The following ZNF517 variants were observed in gnomAD, a reference collection of about 807,000 sequenced individuals.
The protein encoded by ZNF517 is zinc finger protein 517.
A neutral mutation model predicts 12.1 loss-of-function variants in ZNF517; 12 were observed. That is an observed-to-expected ratio of 0.99 (90% CI 0.63 to 1.61). The LOEUF (loss-of-function observed/expected upper bound fraction) is 1.61, where lower values mean the gene tolerates loss of function less well. Ranked by LOEUF, ZNF517 falls within the 40% of genes most tolerant of loss-of-function variation. The pLI is 0.00. For missense variants in ZNF517, 781 were observed against 693.2 expected, an observed-to-expected ratio of 1.13 and a Z score of -1.42; for synonymous variants, 388 against 310.2, an observed-to-expected ratio of 1.25 and a Z score of -2.63.
At chr8:144,800,973 G>A (rs1376620517) in intron 1 of ZNF517, among the ~76,000 whole-genome samples, 2 of 152,100 alleles carry the variant, frequency 1.3e-5, no homozygotes, top group Non-Finnish European at 2.9e-5. Flanking sequence ...GGGATTACAG[G>A]TGCGTACCAG....
downstream of ZNF517, chr8:144,810,470 A>G: frequency 2.5e-6 from 1 of 406,784 alleles, no homozygotes; most frequent in Non-Finnish European, 4.4e-6. Context: ...CCCTCCAGAG[A>G]ACAAGAATCC....
chr8:144,806,543 GGT>G (rs1827232040), intron 4 of ZNF517, among the ~76,000 whole-genome samples: 1 of 152,138 alleles, frequency 6.6e-6, no homozygotes, highest in African/African-American at 2.4e-5. Flanking sequence ...GGAGTGCAGT[GGT>G]GCGGTCTTGG....
At chr8:144,810,422 G>T (rs1827519436), downstream of ZNF517, 17 of 422,056 alleles carry the variant, frequency 4.0e-5, no homozygotes, top group South Asian at 1.4e-3. Flanking sequence ...GGGAAGCCTG[G>T]CCCTGGTAGG....
chr8:144,811,978 A>G (rs939659382), downstream of ZNF517, among the ~76,000 whole-genome samples: 3 of 120,800 alleles, frequency 2.5e-5, no homozygotes, highest in Admixed American at 2.3e-4. Flanking sequence ...CCAGGTGCAG[A>G]CTGCAGAATG....
chr8:144,799,623 G>C (rs1169073337), intron 1 of ZNF517, among the ~76,000 whole-genome samples: 1 of 152,204 alleles, frequency 6.6e-6, no homozygotes, highest in Non-Finnish European at 1.5e-5. Flanking sequence ...GGGTAGCCTT[G>C]GCGGTCAGGG....
chr8:144,810,353 CCA>C (rs1827516184), downstream of ZNF517: 4 of 512,372 alleles, frequency 7.8e-6, no homozygotes, highest in Admixed American at 9.5e-5. Flanking sequence ...CCTCCAAGGC[CCA>C]CTGCTCCCCG....
At position 144,808,212 on chromosome 8, in the gene ZNF517, G is replaced by C. The variant is rs752756753; in HGVS notation, c.1296G>C (p.Ala432=). The change falls in exon 5 of 5, where the codon GCG becomes GCC. Residue 432 remains alanine (A), a synonymous_variant. Transcript: ENST00000359971. ...TCGCGTGCACCGAGTGCGGCAAGGC[G>C]TTCCGCAGGAGCTACACGCTGAACG... is the stretch of plus-strand genomic sequence containing the variant. ...KPFACTECGK[A]FRRSYTLNEH... The C allele has an allele frequency of 1.9e-6, 3 of 1,607,378 alleles. No individual in the cohort carries two copies. Among genetic ancestry groups the C allele is most frequent in the East Asian group, 4.5e-5 (2 of 44,754 alleles).
At chr8:144,799,822 C>G (rs13277467) in intron 1 of ZNF517, among the ~76,000 whole-genome samples, 44,231 of 151,650 alleles carry the variant, frequency 0.29, 7,223 homozygotes, top group South Asian at 0.46. Flanking sequence ...CGCCTGTAGT[C>G]CCAGCTACTC....
rs62531506 is a variant in ZNF517 at position 144,807,457 on chromosome 8, G to A, written c.541G>A (p.Val181Met). 0.12 allele frequency: 193,163 copies of A among 1,576,996 alleles called. 13,732 individuals are homozygous for A. Among genetic ancestry groups the A allele is most frequent in the Non-Finnish European group, 0.14 (167,645 of 1,161,860 alleles). Residue 181 changes from valine to methionine, a missense_variant, in exon 5 of 5, where the codon GTG becomes ATG. By Grantham distance (21) the Val-to-Met change is conservative (BLOSUM62 1). Coordinates refer to ENST00000359971, the MANE Select transcript of ZNF517 (RefSeq NM_213605.3). ...GAGCTCAGCCCCCCGCTACAGGTGC[G>A]TGTGCGGCAAGGCGTTCAGATACAA... ...VGSSAPRYRCVCGKAFRYNSL... is the reference protein window; with the variant it reads ...VGSSAPRYRCMCGKAFRYNSL...
chr8:144,807,175 C>T lies in ZNF517; in HGVS notation c.275-16C>T, dbSNP rs747911661. 10 of 1,514,226 alleles carry T rather than the reference C, an allele frequency of 6.6e-6. No homozygotes were observed. Among genetic ancestry groups the T allele is most frequent in the East Asian group, 2.3e-5 (1 of 43,810 alleles). 93.8% of individuals were successfully genotyped at this position (1,514,226 alleles called of 1,614,324 possible). The stretch of plus-strand genomic sequence containing the variant: ...AGAGGCTGGATCATCCTTCCGTTTT[C>T]TGTTCCTTCTCTCAGATTCCAGGAT... On this transcript the variant is annotated splice_polypyrimidine_tract_variant and intron_variant, in intron 4 of 4. Coordinates refer to ENST00000359971, the MANE Select transcript of ZNF517 (RefSeq NM_213605.3).
chr8:144,808,201 TGCGGCAAGGCGTTCC>T lies in ZNF517; in HGVS notation c.1288_1302del (p.Gly430_Arg434del), dbSNP rs1328782872. Reference sequence around the variant, plus strand: ...GGAGAAGCCCTTCGCGTGCACCGAGTGCGGCAAGGCGTTCCGCAGGAGCTACACGCTGAACGAGCA... The same window carrying T: ...GGAGAAGCCCTTCGCGTGCACCGAGTGCAGGAGCTACACGCTGAACGAGCA... On this transcript the variant is annotated inframe_deletion, in exon 5 of 5. Coordinates refer to ENST00000359971, the MANE Select transcript of ZNF517 (RefSeq NM_213605.3). The T allele has an allele frequency of 6.2e-7, 1 of 1,609,226 alleles. No homozygotes were observed. Among genetic ancestry groups the T allele is most frequent in the South Asian group, 1.1e-5 (1 of 90,704 alleles).
At chr8:144,811,972 G>A (rs1177815723), downstream of ZNF517, among the ~76,000 whole-genome samples, 1 of 118,616 alleles carries the variant, frequency 8.4e-6, no homozygotes, top group East Asian at 2.9e-4. Flanking sequence ...GCTCAGCCAG[G>A]TGCAGACTGC....
intron 1 of ZNF517, chr8:144,800,667 G>A (rs527666621): frequency 2.0e-6 from 2 of 985,250 alleles, no homozygotes; most frequent in African/African-American, 3.5e-5. Context: ...GGGGTGGTGT[G>A]GCCCTGCTCT....
downstream of ZNF517, among the ~76,000 whole-genome samples, chr8:144,813,293 A>G (rs961465797): frequency 2.8e-5 from 4 of 140,406 alleles, no homozygotes; most frequent in Admixed American, 3.0e-4. Flanking sequence ...TCCAGCCTGG[A>G]TGACAGAGCC....
chr8:144,813,235 G>C (rs1827604505), downstream of ZNF517, among the ~76,000 whole-genome samples: 1 of 149,308 alleles, frequency 6.7e-6, no homozygotes, highest in Non-Finnish European at 1.5e-5. Flanking sequence ...AGAATCGCTT[G>C]AACCTGGGCG....
At chr8:144,799,238 C>T (rs761057921) in intron 1 of ZNF517, among the ~76,000 whole-genome samples, 18 of 152,134 alleles carry the variant, frequency 1.2e-4, no homozygotes, top group Admixed American at 1.2e-3. Flanking sequence ...CGAGGTGGGG[C>T]TGCTCCGGGG....
chr8:144,804,486 A>C (rs1166931940), intron 4 of ZNF517, among the ~76,000 whole-genome samples: 2 of 152,192 alleles, frequency 1.3e-5, no homozygotes, highest in African/African-American at 2.4e-5. Flanking sequence ...CTGTGCTCAC[A>C]GTGCCATTAC....
At chr8:144,803,465 C>G in intron 2 of ZNF517, 176 bp from the exon 3 acceptor site, 1 of 755,828 alleles carries the variant, frequency 1.3e-6, no homozygotes. Context: ...GGGGCTTCTG[C>G]TGAGAATGAG....
At chr8:144,812,172 G>GCT, downstream of ZNF517, among the ~76,000 whole-genome samples, 1 of 145,188 alleles carries the variant, frequency 6.9e-6, no homozygotes, top group African/African-American at 2.6e-5. Context: ...TGACAGTAAA[G>GCT]CTCAGCCAGG....
Sources: allele counts gnomAD v4.1 joint callset (sites outside exome capture counted in the v4.1 genomes callset), GRCh38; gene constraint gnomAD v4.1.1; transcripts MANE v1.5; gene names NCBI Gene and HGNC (gene_info 2026-07-23, HGNC 2026-07-21).